TMPRSS13: variants seen among roughly 807,000 people sequenced by gnomAD.
TMPRSS13 encodes transmembrane serine protease 13, also known as transmembrane protease serine 13.
A neutral mutation model predicts 68.4 loss-of-function variants in TMPRSS13; 50 were observed. The observed-to-expected ratio is 0.73, with a 90% CI of 0.58 to 0.93. The LOEUF is 0.93. Ranked by LOEUF, TMPRSS13 falls within the 40% of genes least tolerant of loss-of-function variation. TMPRSS13 has a pLI of 0.00. For synonymous variants in TMPRSS13, 267 were observed against 285.8 expected (o/e 0.93, Z 0.66); for missense variants, 615 against 729.2 (o/e 0.84, Z 1.80).
At chr11:117,902,900 GAGGGGACTCTCT>G in intron 12 of TMPRSS13, 1 of 902,984 alleles carries the variant, frequency 1.1e-6, no homozygotes, top group Non-Finnish European at 1.3e-6. Flanking sequence ...GGAAGTGGGA[GAGGGGACTCTCT>G]AGGGTGGATC....
chr11:117,923,561 T>A (rs995015868), intron 1 of TMPRSS13, among the ~76,000 whole-genome samples: 1 of 152,094 alleles, frequency 6.6e-6, no homozygotes, highest in East Asian at 1.9e-4. Flanking sequence ...TTGGGAAATA[T>A]GCACTTCAGG....
rs765591673 is a variant in TMPRSS13, at chr11:117,911,859, C to T, written c.811G>A (p.Ala271Thr). 1.2e-6 allele frequency: 2 copies of T among 1,613,578 alleles called. No individual in the cohort carries two copies. Among genetic ancestry groups the T allele is most frequent in the South Asian group, 2.2e-5 (2 of 91,066 alleles). ...TGGGCAACCTCGGTTGTCCGGTGAG[C>T]ACTACAAGGGAGCAGAGGGGAGAAG... The part of the protein sequence containing the change: ...KTCQQLGFES[A>T]HRTTEVAHRD... The change falls in exon 6 of 13, where the codon GCT becomes ACT. Residue 271 changes from alanine to threonine, a missense_variant and splice_region_variant. By Grantham distance (58) the Ala-to-Thr change is moderately conservative (BLOSUM62 0). Coordinates refer to ENST00000524993, the MANE Select transcript of TMPRSS13 (RefSeq NM_001077263.3).
intron 9 of TMPRSS13, among the ~76,000 whole-genome samples, chr11:117,906,003 G>A (rs929044604): frequency 6.6e-6 from 1 of 152,214 alleles, no homozygotes; most frequent in African/African-American, 2.4e-5. Context: ...GGTCAGATGC[G>A]TAAGCCTTGG....
At chr11:117,905,496 C>T in intron 10 of TMPRSS13, 142 bp downstream of exon 10, 1 of 601,138 alleles carries the variant, frequency 1.7e-6, no homozygotes, top group Non-Finnish European at 2.9e-6. Flanking sequence ...ATAATCACAC[C>T]CAGGCCCATG....
intron 9 of TMPRSS13, among the ~76,000 whole-genome samples, chr11:117,906,232 T>C (rs983144818): frequency 5.9e-5 from 9 of 152,212 alleles, no homozygotes; most frequent in Admixed American, 2.6e-4. Context: ...CTTTTAAATG[T>C]TTTCCCAGCA....
chr11:117,915,699 G>A lies in TMPRSS13; in HGVS notation c.557-1185C>T, dbSNP rs2057570824. ...ACCTCCTTAGCCCTGGAGGTCTAGAGGCCTCCCTGGCAGAGCTTTTGGGAA... is the reference window on the plus strand; with the variant it reads ...ACCTCCTTAGCCCTGGAGGTCTAGAAGCCTCCCTGGCAGAGCTTTTGGGAA... On this transcript the variant is annotated intron_variant, in intron 3 of 12. Transcript: ENST00000524993. This position sits in a 1 kb window ranked among gnomAD's most constrained non-coding sequence, Gnocchi z 4.9. Among the ~76,000 whole-genome samples, 2 of 152,236 alleles carry A rather than the reference G, an allele frequency of 1.3e-5. No homozygotes were observed. The highest frequency in any genetic ancestry group is 2.9e-5 in the Non-Finnish European group (2 of 68,048).
At chr11:117,920,295 G>A (rs987765783) in intron 1 of TMPRSS13, among the ~76,000 whole-genome samples, 3 of 152,098 alleles carry the variant, frequency 2.0e-5, no homozygotes, top group Admixed American at 6.5e-5. Context: ...TACACAGTGA[G>A]GGTGTGGTGA....
At chr11:117,902,311 C>T (rs747158857) in intron 12 of TMPRSS13, 46 bp from the exon 13 acceptor site, 117 of 1,611,782 alleles carry the variant, frequency 7.3e-5, no homozygotes, top group Non-Finnish European at 9.4e-5. Flanking sequence ...GCCAGGTGGG[C>T]GAGGAGCACA....
intron 1 of TMPRSS13, among the ~76,000 whole-genome samples, chr11:117,920,707 T>G (rs549401597): frequency 6.6e-6 from 1 of 152,216 alleles, no homozygotes; most frequent in South Asian, 2.1e-4. Flanking sequence ...CAGGCTGGTC[T>G]CAAACTCCTG....
Position 117,905,776 on chromosome 11 carries a change from T to C in TMPRSS13, c.1283-40A>G, listed in dbSNP as rs1222778543. Reference sequence around the variant, plus strand: ...CCAGACGTCAGTGAAGGAACAAGGCTGAGACTTTCAGTAGGGGGAGGGAGA... The same window carrying C: ...CCAGACGTCAGTGAAGGAACAAGGCCGAGACTTTCAGTAGGGGGAGGGAGA... On this transcript the variant is annotated intron_variant, in intron 9 of 12. Coordinates refer to ENST00000524993, the MANE Select transcript of TMPRSS13 (RefSeq NM_001077263.3). 2.6e-6 allele frequency: 4 copies of C among 1,510,578 alleles called. No individual in the cohort carries two copies. The South Asian group carries it at 4.8e-5, about 18-fold the overall frequency. 93.6% of individuals were successfully genotyped at this position (1,510,578 alleles called of 1,614,324 possible). A position where few individuals can be genotyped will look rare whatever the true frequency, so the allele number is the denominator to read the frequency against.
rs762418264 is a variant in TMPRSS13, at chr11:117,913,907, C to T, written c.680-1G>A. On this transcript the variant is annotated splice_acceptor_variant, in intron 4 of 12. Coordinates refer to ENST00000524993, the MANE Select transcript of TMPRSS13 (RefSeq NM_001077263.3). LOFTEE classifies it high-confidence loss of function. Reference sequence around the variant, plus strand: ...AGAGACTTGTCCCAGTCAAACCTCACTGCAGGGCAAGAAAAAGGCAGAGCA... The same window carrying T: ...AGAGACTTGTCCCAGTCAAACCTCATTGCAGGGCAAGAAAAAGGCAGAGCA... 5 of 1,613,476 alleles carry T rather than the reference C, an allele frequency of 3.1e-6. No homozygotes were observed. Among genetic ancestry groups the T allele is most frequent in the Non-Finnish European group, 4.2e-6 (5 of 1,179,780 alleles).
At position 117,902,148 on chromosome 11, in the gene TMPRSS13, G is replaced by A. The variant is rs1591613627; in HGVS notation, c.*91C>T. The A allele has an allele frequency of 4.1e-6, 6 of 1,452,780 alleles. No homozygotes were observed. Among genetic ancestry groups the A allele is most frequent in the Non-Finnish European group, 4.8e-6 (5 of 1,044,294 alleles). The allele number at this position is 1,452,780 out of a possible 1,614,324, so 90.0% of individuals were successfully genotyped here. ...GGTGGGAGTCCGATGGTGCCCGGTG[G>A]CCATTAGCCCAGATGATGCCACACA... On this transcript the variant is annotated 3_prime_UTR_variant, in exon 13 of 13. Transcript: ENST00000524993.
At chr11:117,928,479 G>A (rs530759850) in intron 1 of TMPRSS13, among the ~76,000 whole-genome samples, 1 of 152,328 alleles carries the variant, frequency 6.6e-6, no homozygotes, top group East Asian at 1.9e-4. Context: ...CAGAGTCCCA[G>A]GCTCTACCAT....
intron 5 of TMPRSS13, 91 bp from the exon 6 acceptor site, chr11:117,911,951 G>T: frequency 9.9e-7 from 1 of 1,014,478 alleles, no homozygotes; most frequent in Non-Finnish European, 1.5e-6. Context: ...CAGCCCTGCC[G>T]ACAGAGGCCA....
At position 117,905,649 on chromosome 11, in the gene TMPRSS13, C is replaced by A; in HGVS notation, c.1370G>T (p.Arg457Met). Residue 457 changes from arginine (R) to methionine (M), a missense_variant, in exon 10 of 13, where the codon AGG becomes ATG. Transcript: ENST00000524993. ...TCTTTGCCTCTTACCATCTGTCTCCCTGGTCTTGCCAAAGCCTGTGATCCA... is the reference window on the plus strand; with the variant it reads ...TCTTTGCCTCTTACCATCTGTCTCCATGGTCTTGCCAAAGCCTGTGATCCA... ...TCWITGFGKT[R>M]ETDDKTSPFL... The A allele has an allele frequency of 6.2e-7, 1 of 1,600,916 alleles. No individual in the cohort carries two copies. Among genetic ancestry groups the A allele is most frequent in the South Asian group, 1.1e-5 (1 of 88,694 alleles).
Position 117,929,345 on chromosome 11 carries a change from G to A in TMPRSS13, c.-38C>T, listed in dbSNP as rs1027345323. Reference sequence around the variant, plus strand: ...GAAGAGTCCTCCAGGCTTAGCTGATGTCGAGGAGAAGATCCATCTTGGTCC... The same window carrying A: ...GAAGAGTCCTCCAGGCTTAGCTGATATCGAGGAGAAGATCCATCTTGGTCC... On this transcript the variant is annotated 5_prime_UTR_variant, in exon 1 of 13. Transcript: ENST00000524993. The A allele has an allele frequency of 2.5e-6, 4 of 1,598,974 alleles. No individual in the cohort carries two copies. The highest frequency in any genetic ancestry group is 2.7e-5 in the African/African-American group (2 of 74,338).
intron 1 of TMPRSS13, among the ~76,000 whole-genome samples, chr11:117,924,471 G>A (rs925468525): frequency 6.6e-6 from 1 of 152,184 alleles, no homozygotes; most frequent in Non-Finnish European, 1.5e-5. Context: ...CGCCCATAGG[G>A]TGGGCACGGG....
In TMPRSS13 at chr11:117,922,709, T is replaced by C. The variant is rs766719065; in HGVS notation, c.22-3871A>G. Among the ~76,000 whole-genome samples, 1 of 152,232 alleles carries C rather than the reference T, an allele frequency of 6.6e-6. No individual in the cohort carries two copies. The highest frequency in any genetic ancestry group is 1.5e-5 in the Non-Finnish European group (1 of 68,048). ...GCAGACCAAAGGCTTCTCAGCCTGC[T>C]CAGGGGCAGGTGCACAGGGTGGAGC... On this transcript the variant is annotated intron_variant, in intron 1 of 12. Coordinates refer to ENST00000524993, the MANE Select transcript of TMPRSS13 (RefSeq NM_001077263.3). This position sits in a 1 kb window ranked among gnomAD's most constrained non-coding sequence, Gnocchi z 4.2.
chr11:117,916,544 C>T (rs1232745824), intron 3 of TMPRSS13, among the ~76,000 whole-genome samples: 6 of 152,260 alleles, frequency 3.9e-5, no homozygotes, highest in African/African-American at 9.6e-5. Context: ...TGTACATGCA[C>T]ATTTGCGCTG....
Sources: allele counts gnomAD v4.1 joint callset (sites outside exome capture counted in the v4.1 genomes callset), GRCh38; gene constraint gnomAD v4.1.1; non-coding constraint Gnocchi (gnomAD v3.1); transcripts MANE v1.5; gene names NCBI Gene and HGNC (gene_info 2026-07-23, HGNC 2026-07-21).